The following C1QTNF2 variants were observed in gnomAD, a reference collection of about 807,000 sequenced individuals.
C1QTNF2 encodes C1q and TNF related 2.
C1QTNF2 carries 15 observed loss-of-function variants against 17.4 expected under a neutral mutation model. That is an observed-to-expected ratio of 0.86 (90% CI 0.58 to 1.33). The LOEUF is 1.33. Ranked by LOEUF, C1QTNF2 falls within the 40% of genes most tolerant of loss-of-function variation. The pLI is 0.00. For synonymous variants in C1QTNF2, 154 were observed against 163.3 expected, an observed-to-expected ratio of 0.94 and a Z score of 0.44; for missense variants, 381 against 392.3, an observed-to-expected ratio of 0.97 and a Z score of 0.24.
intron 1 of C1QTNF2, among the ~76,000 whole-genome samples, chr5:160,360,164 A>G (rs1363291081): frequency 2.0e-5 from 3 of 152,070 alleles, no homozygotes; most frequent in Admixed American, 2.0e-4. Flanking sequence ...TTTCTTTTCC[A>G]GCACTTGAAA....
At chr5:160,369,477 A>G (rs1178208263) in intron 1 of C1QTNF2, among the ~76,000 whole-genome samples, 1 of 152,216 alleles carries the variant, frequency 6.6e-6, no homozygotes, top group Non-Finnish European at 1.5e-5. Flanking sequence ...ACTCCAGATG[A>G]CAGAATAAAT....
chr5:160,359,535 G>T (rs908834394), intron 1 of C1QTNF2, among the ~76,000 whole-genome samples: 1 of 152,170 alleles, frequency 6.6e-6, no homozygotes, highest in Non-Finnish European at 1.5e-5. Flanking sequence ...TCTCTCTGAT[G>T]CCCTGTATTT....
chr5:160,359,922 C>G (rs370902173), intron 1 of C1QTNF2, among the ~76,000 whole-genome samples: 367 of 152,326 alleles, frequency 2.4e-3, no homozygotes, highest in African/African-American at 8.5e-3. Context: ...TCCTCCCTGG[C>G]TCCCTCGGCT....
chr5:160,366,203 T>C (rs1267106838), intron 1 of C1QTNF2, among the ~76,000 whole-genome samples: 1 of 152,212 alleles, frequency 6.6e-6, no homozygotes, highest in Non-Finnish European at 1.5e-5. Flanking sequence ...GAACATACAA[T>C]GTTTGGTTTT....
chr5:160,355,810 A>AT (rs34316544), intron 1 of C1QTNF2, among the ~76,000 whole-genome samples: 5,515 of 151,804 alleles, frequency 0.036, 331 homozygotes, highest in African/African-American at 0.12. Flanking sequence ...ATTTCTTGCG[A>AT]TTTTTTTTTA....
At chr5:160,356,428 A>G (rs952574822) in intron 1 of C1QTNF2, among the ~76,000 whole-genome samples, 1 of 152,156 alleles carries the variant, frequency 6.6e-6, no homozygotes, top group Non-Finnish European at 1.5e-5. Flanking sequence ...CTTATCCCCA[A>G]AGTTTCTGAT....
chr5:160,369,835 T>A (rs1252203948), intron 1 of C1QTNF2, among the ~76,000 whole-genome samples: 1 of 152,014 alleles, frequency 6.6e-6, no homozygotes, highest in Non-Finnish European at 1.5e-5. Flanking sequence ...GCAGCAGCAG[T>A]GGGGATGGAG....
At chr5:160,353,701 A>G (rs933714759) in intron 2 of C1QTNF2, among the ~76,000 whole-genome samples, 2 of 151,850 alleles carry the variant, frequency 1.3e-5, no homozygotes, top group African/African-American at 4.8e-5. Context: ...AGGATACAAC[A>G]AACACAGAGA....
chr5:160,348,997 T>C lies in C1QTNF2; in HGVS notation c.*171A>G, dbSNP rs1763852834. ...AGAAGTGAATAAATAGATGGTTGGA[T>C]GAATAAAAAGGTTTGGATTTAATGA... is the stretch of plus-strand genomic sequence containing the variant. On this transcript the variant is annotated 3_prime_UTR_variant, in exon 3 of 3. Transcript: ENST00000652664. 1.4e-6 allele frequency: 1 copy of C among 712,244 alleles called. No homozygotes were observed. Among genetic ancestry groups the C allele is most frequent in the Non-Finnish European group, 2.3e-6 (1 of 444,250 alleles). 44.1% of individuals were successfully genotyped at this position (712,244 alleles called of 1,614,324 possible).
At position 160,364,089 on chromosome 5, in the gene C1QTNF2, C is replaced by T. The variant is rs117615470; in HGVS notation, c.-10+6423G>A. Among the ~76,000 whole-genome samples the T allele has an allele frequency of 1.4e-3, 209 of 152,270 alleles. 4 individuals carry two copies. In the East Asian group the frequency reaches 0.03, roughly 22 times the overall value. On this transcript the variant is annotated intron_variant, in intron 1 of 2. Coordinates refer to ENST00000652664, the MANE Select transcript of C1QTNF2 (RefSeq NM_031908.6). ...CAATGCTATTTAGCCCTTGATTTCC[C>T]AAATATCATCATTTCAACATGTAAT... is the stretch of plus-strand genomic sequence containing the variant.
intron 1 of C1QTNF2, among the ~76,000 whole-genome samples, chr5:160,366,880 C>T (rs1037139299): frequency 7.7e-6 from 1 of 130,592 alleles, no homozygotes; most frequent in African/African-American, 2.6e-5. Flanking sequence ...AAAAATTAGC[C>T]GGGCGTGGTG....
intron 1 of C1QTNF2, among the ~76,000 whole-genome samples, chr5:160,362,978 G>A (rs62377488): frequency 8.5e-5 from 13 of 152,184 alleles, no homozygotes; most frequent in Non-Finnish European, 1.6e-4. Context: ...ATTGTTACTA[G>A]TTGCAATTGA....
Position 160,370,587 on chromosome 5 carries a change from C to A in C1QTNF2, c.-85G>T. 6.9e-7 allele frequency: 1 copy of A among 1,453,566 alleles called. No individual in the cohort carries two copies. The highest frequency in any genetic ancestry group is 9.0e-7 in the Non-Finnish European group (1 of 1,109,836). The allele number at this position is 1,453,566 out of a possible 1,614,324, so 90.0% of individuals were successfully genotyped here. A position where few individuals can be genotyped will look rare whatever the true frequency, so the allele number is the denominator to read the frequency against. On this transcript the variant is annotated 5_prime_UTR_variant, in exon 1 of 3. It adds an upstream start codon to the 5' untranslated region. Transcript: ENST00000652664. ...GGCGGGGCTCCGCGTCCCGGCTTTCCTCAGCGGCAGCAGCCGGGCAGAGCG... is the reference window on the plus strand; with the variant it reads ...GGCGGGGCTCCGCGTCCCGGCTTTCATCAGCGGCAGCAGCCGGGCAGAGCG...
At chr5:160,367,126 T>C (rs1037106749) in intron 1 of C1QTNF2, among the ~76,000 whole-genome samples, 1 of 151,990 alleles carries the variant, frequency 6.6e-6, no homozygotes, top group Non-Finnish European at 1.5e-5. Context: ...AATTATAGCC[T>C]AGACAAGCAG....
At chr5:160,370,229 G>C (rs904006255) in intron 1 of C1QTNF2, among the ~76,000 whole-genome samples, 1 of 152,196 alleles carries the variant, frequency 6.6e-6, no homozygotes, top group African/African-American at 2.4e-5. Flanking sequence ...CAAAGTAGGC[G>C]CTCAATAAAT....
At chr5:160,364,685 G>C (rs546245246) in intron 1 of C1QTNF2, among the ~76,000 whole-genome samples, 5 of 152,122 alleles carry the variant, frequency 3.3e-5, no homozygotes, top group Non-Finnish European at 7.3e-5. Flanking sequence ...ATCACTTTGA[G>C]TGATGGCTCT....
chr5:160,354,596 A>ATATATATATATATAT (rs1763994534), intron 2 of C1QTNF2, among the ~76,000 whole-genome samples, 172 bp downstream of exon 2: 4 of 49,918 alleles, frequency 8.0e-5, no homozygotes, highest in African/African-American at 3.6e-4. Context: ...AAAAAAAAAA[A>ATATATATATATATAT]AGTATATATA....
chr5:160,354,920 G>A lies in C1QTNF2; in HGVS notation c.92C>T (p.Ser31Phe). 1.3e-6 allele frequency: 2 copies of A among 1,599,972 alleles called. No homozygotes were observed. Among genetic ancestry groups the A allele is most frequent in the East Asian group, 2.3e-5 (1 of 44,370 alleles). ...AGGCAGGCTGCAGACCAGTTGAGGG[G>A]AGCCTTTCCGGAAGTCCCTGCGAGC... ...AFARRDFRKG[S>F]PQLVCSLPGP... The change falls in exon 2 of 3, where the codon TCC (serine) becomes TTC (phenylalanine). Residue 31 changes from serine to phenylalanine, a missense_variant. Ser to Phe is a radical substitution (Grantham distance 155, BLOSUM62 -2). Transcript: ENST00000652664.
Position 160,349,087 on chromosome 5 carries a change from C to G in C1QTNF2, c.*81G>C. The G allele has an allele frequency of 2.0e-6, 3 of 1,510,600 alleles. No homozygotes were observed. The highest frequency in any genetic ancestry group is 2.7e-6 in the Non-Finnish European group (3 of 1,128,050). The allele number at this position is 1,510,600 out of a possible 1,614,324, so 93.6% of individuals were successfully genotyped here. A position where few individuals can be genotyped will look rare whatever the true frequency, so the allele number is the denominator to read the frequency against. ...GAACCGCTCACTCGACCCCCCACCC[C>G]CAGCCTACAGTTGTGGGGTCTTGCT... On this transcript the variant is annotated 3_prime_UTR_variant, in exon 3 of 3. Coordinates refer to ENST00000652664, the MANE Select transcript of C1QTNF2 (RefSeq NM_031908.6). This position sits in a 1 kb window ranked among gnomAD's most constrained non-coding sequence, Gnocchi z 4.3.
Sources: gnomAD v4.1 joint callset for allele counts (sites outside exome capture counted in the v4.1 genomes callset) on GRCh38, gnomAD v4.1.1 for gene constraint, Gnocchi (gnomAD v3.1) non-coding constraint, MANE v1.5 for transcripts, NCBI Gene and HGNC (gene_info 2026-07-23, HGNC 2026-07-21) for gene names.